Variants in LIN28B observed in about 807,000 individuals in gnomAD.
LIN28B encodes protein lin-28 homolog B.
Under a neutral mutation model 21.9 loss-of-function variants are expected in LIN28B, and 5 were observed. The ratio of observed to expected loss-of-function variants is 0.23; its 90% CI spans 0.12 to 0.48. The LOEUF (loss-of-function observed/expected upper bound fraction) is 0.48, where lower values mean the gene tolerates loss of function less well. Ranked by LOEUF, LIN28B falls within the 20% of genes least tolerant of loss-of-function variation. The probability of loss-of-function intolerance (pLI) is 0.98; values close to 1 mark genes in which losing one functional copy is unlikely to be tolerated. For missense variants in LIN28B, 245 were observed against 310.5 expected, an observed-to-expected ratio of 0.79 and a Z score of 1.58; for synonymous variants, 109 against 111.3, an observed-to-expected ratio of 0.98 and a Z score of 0.13.
chr6:105,062,169 ACT>A (rs148674487), intron 3 of LIN28B, among the ~76,000 whole-genome samples: 237 of 152,022 alleles, frequency 1.6e-3, no homozygotes, highest in African/African-American at 5.3e-3. Flanking sequence ...AGCAGGGCTG[ACT>A]CTGAGGCAGG....
intron 3 of LIN28B, among the ~76,000 whole-genome samples, chr6:105,047,508 T>C (rs1236286294): frequency 6.6e-6 from 1 of 152,190 alleles, no homozygotes; most frequent in Non-Finnish European, 1.5e-5. Context: ...AGGGCCCTTT[T>C]TTGGTTCCAT....
At chr6:104,985,931 T>C (rs1770329343) in intron 2 of LIN28B, among the ~76,000 whole-genome samples, 1 of 152,158 alleles carries the variant, frequency 6.6e-6, no homozygotes, top group Non-Finnish European at 1.5e-5. Flanking sequence ...ACTGGAACCT[T>C]TGTCATAAAT....
chr6:105,010,891 T>C (rs1269036952), intron 2 of LIN28B, among the ~76,000 whole-genome samples: 1 of 152,196 alleles, frequency 6.6e-6, no homozygotes, highest in Non-Finnish European at 1.5e-5. Context: ...CAGACAACAA[T>C]TATTTTCATT....
At chr6:104,964,262 A>G (rs1769811817) in intron 2 of LIN28B, among the ~76,000 whole-genome samples, 1 of 152,190 alleles carries the variant, frequency 6.6e-6, no homozygotes, top group Non-Finnish European at 1.5e-5. Context: ...AGCTAGTCTC[A>G]AGAGATACTC....
At chr6:105,003,509 AT>A (rs975479800) in intron 2 of LIN28B, among the ~76,000 whole-genome samples, 2 of 151,020 alleles carry the variant, frequency 1.3e-5, no homozygotes, top group African/African-American at 2.4e-5. Flanking sequence ...TGCCTTACTG[AT>A]TTTTTTTTCT....
chr6:105,056,478 G>C (rs909607338), intron 3 of LIN28B, among the ~76,000 whole-genome samples: 4 of 152,104 alleles, frequency 2.6e-5, no homozygotes, highest in Admixed American at 2.0e-4. Context: ...CCTAAGGCAT[G>C]AGTTTACTAG....
upstream of LIN28B, among the ~76,000 whole-genome samples, chr6:104,954,521 C>T (rs1213890493): frequency 1.3e-5 from 2 of 152,140 alleles, no homozygotes; most frequent in Non-Finnish European, 2.9e-5. Context: ...CCTTCCCTCG[C>T]CTCTTCTCTT....
chr6:104,962,011 T>G (rs1439471739), intron 2 of LIN28B, among the ~76,000 whole-genome samples: 1 of 152,146 alleles, frequency 6.6e-6, no homozygotes, highest in East Asian at 1.9e-4. Flanking sequence ...TTTCTATAGA[T>G]TTTGATATTT....
intron 3 of LIN28B, among the ~76,000 whole-genome samples, chr6:105,048,013 T>C (rs1049368003): frequency 1.3e-5 from 2 of 152,208 alleles, no homozygotes; most frequent in African/African-American, 2.4e-5. Flanking sequence ...CCTTTATTTC[T>C]TTCTCCTGCC....
chr6:104,979,201 T>C (rs762680640), intron 2 of LIN28B, among the ~76,000 whole-genome samples: 17 of 151,820 alleles, frequency 1.1e-4, no homozygotes, highest in Non-Finnish European at 2.1e-4. Flanking sequence ...TTTTTATTTT[T>C]ATTTTTTAAT....
intron 2 of LIN28B, among the ~76,000 whole-genome samples, chr6:105,025,039 T>G (rs1241421551): frequency 1.3e-5 from 2 of 152,164 alleles, no homozygotes; most frequent in Non-Finnish European, 2.9e-5. Flanking sequence ...ATACAGTGTT[T>G]TACAAACTTA....
rs992840783 is a variant in LIN28B at position 105,080,278 on chromosome 6, C to G, written c.*1495C>G. 1 of 152,486 alleles carries G rather than the reference C, an allele frequency of 6.6e-6. No homozygotes were observed. The highest frequency in any genetic ancestry group is 1.5e-5 in the Non-Finnish European group (1 of 68,030). 9.4% of individuals were successfully genotyped at this position (152,486 alleles called of 1,614,324 possible). On this transcript the variant is annotated 3_prime_UTR_variant, in exon 4 of 4. Transcript: ENST00000345080. ...TTTCTGAAACATCTGCAAGAAGGTA[C>G]CAGTTAATTATAGTGCTTAATATTG...
intron 2 of LIN28B, among the ~76,000 whole-genome samples, chr6:105,003,212 T>G (rs1770752226): frequency 6.6e-6 from 1 of 152,204 alleles, no homozygotes; most frequent in African/African-American, 2.4e-5. Context: ...ATCCTGCCCT[T>G]ATTCAAAATC....
intron 3 of LIN28B, among the ~76,000 whole-genome samples, chr6:105,077,416 A>G (rs1190470): frequency 0.01 from 1,531 of 152,192 alleles, 20 homozygotes; most frequent in African/African-American, 0.035. Context: ...AGTTTCTTCC[A>G]CTAATGGTTT....
intron 3 of LIN28B, among the ~76,000 whole-genome samples, chr6:105,034,828 T>G (rs1195649289): frequency 6.6e-6 from 1 of 152,112 alleles, no homozygotes; most frequent in African/African-American, 2.4e-5. Flanking sequence ...GAAAATTTTA[T>G]AAGCCATTAG....
At chr6:104,953,754 C>T (rs1023132023), upstream of LIN28B, among the ~76,000 whole-genome samples, 1 of 152,170 alleles carries the variant, frequency 6.6e-6, no homozygotes, top group African/African-American at 2.4e-5. Context: ...CCTGGAGAGG[C>T]GGGTTGCGAT....
rs2114432199 is a variant in LIN28B at position 105,081,248 on chromosome 6, T to G, written c.*2465T>G. The G allele has an allele frequency of 6.5e-6, 1 of 152,756 alleles. No individual in the cohort carries two copies. The highest frequency in any genetic ancestry group is 1.9e-4 in the East Asian group (1 of 5,184). The allele number at this position is 152,756 out of a possible 1,614,324, so 9.5% of individuals were successfully genotyped here. On this transcript the variant is annotated 3_prime_UTR_variant, in exon 4 of 4. Coordinates refer to ENST00000345080, the MANE Select transcript of LIN28B (RefSeq NM_001004317.4). ...TTATATAAGTATTATGTACTGATGA[T>G]AGTAACTACCTCTGAGTTTGACACA...
chr6:105,024,334 A>G (rs1461224328), intron 2 of LIN28B, among the ~76,000 whole-genome samples: 1 of 152,170 alleles, frequency 6.6e-6, no homozygotes, highest in Admixed American at 6.5e-5. Context: ...ATATGAACAT[A>G]TGATAGCTCT....
rs367859402 is a variant in LIN28B at position 104,958,116 on chromosome 6, G to C, written c.28G>C (p.Gly10Arg). The change falls in exon 2 of 4, where the codon GGT becomes CGT. Residue 10 changes from glycine (G) to arginine (R), a missense_variant. Transcript: ENST00000345080. The stretch of plus-strand genomic sequence containing the variant: ...CTTCTCAGGCGGGGCTAGCAAAGGT[G>C]GTGGAGAAGAGCCCGGGAAGCTGCC... Reference protein sequence around the residue: MAEGGASKGGGEEPGKLPEP... With the variant: MAEGGASKGRGEEPGKLPEP... 4 of 1,595,920 alleles carry C rather than the reference G, an allele frequency of 2.5e-6. No individual in the cohort carries two copies. Among genetic ancestry groups the C allele is most frequent in the Non-Finnish European group, 1.7e-6 (2 of 1,167,288 alleles).
Sources: gnomAD v4.1 joint callset for allele counts (sites outside exome capture counted in the v4.1 genomes callset) on GRCh38, gnomAD v4.1.1 for gene constraint, MANE v1.5 for transcripts, NCBI Gene and HGNC (gene_info 2026-07-23, HGNC 2026-07-21) for gene names.